Variants in SKA1 observed in about 807,000 individuals in gnomAD.
SKA1 encodes spindle and kinetochore associated complex subunit 1, also known as SKA complex subunit 1.
Under a neutral mutation model 31.8 loss-of-function variants are expected in SKA1, and 20 were observed. That is an observed-to-expected ratio of 0.63 (90% confidence interval 0.44 to 0.91). SKA1 has a LOEUF of 0.91. Ranked by LOEUF, SKA1 falls within the 40% of genes least tolerant of loss-of-function variation. The pLI is 0.00. For missense variants in SKA1, 253 were observed against 298.2 expected (o/e 0.85, Z 1.12); for synonymous variants, 88 against 100.5 (o/e 0.88, Z 0.74).
rs540093671 is a variant in SKA1 at position 50,393,087 on chromosome 18, A to T, written c.*840A>T. On this transcript the variant is annotated 3_prime_UTR_variant, in exon 7 of 7. Coordinates refer to ENST00000285116, the MANE Select transcript of SKA1 (RefSeq NM_145060.4). ...CCAAATATTTAACTACCTGCTGAAT[A>T]CGCCTCTGTACTAGGCACATAATGG... 4 of 152,394 alleles carry T rather than the reference A, an allele frequency of 2.6e-5. No homozygotes were observed. Among genetic ancestry groups the T allele is most frequent in the Admixed American group, 2.6e-4 (4 of 15,306 alleles). 9.4% of individuals were successfully genotyped at this position (152,394 alleles called of 1,614,324 possible).
intron 2 of SKA1, among the ~76,000 whole-genome samples, chr18:50,378,804 C>A (rs2041241556): frequency 6.6e-6 from 1 of 152,092 alleles, no homozygotes; most frequent in South Asian, 2.1e-4. Context: ...TCAGAGACAT[C>A]AGTACTCTCA....
Position 50,382,162 on chromosome 18 carries a change from G to T in SKA1, c.247G>T (p.Asp83Tyr). ...LCESLEEDYK[D>Y]IEHLKENVPS... Reference sequence around the variant, plus strand: ...TGAATCTCTTGAAGAAGATTACAAAGACATAGAACATCTTAAAGAAAACGT... The same window carrying T: ...TGAATCTCTTGAAGAAGATTACAAATACATAGAACATCTTAAAGAAAACGT... The change falls in exon 4 of 7, where the codon GAC becomes TAC. Residue 83 changes from aspartate (D) to tyrosine (Y), a missense_variant. Physicochemically the swap from Asp to Tyr is radical, Grantham distance 160. Transcript: ENST00000285116. The T allele has an allele frequency of 1.3e-6, 2 of 1,544,842 alleles. No homozygotes were observed. Among genetic ancestry groups the T allele is most frequent in the East Asian group, 2.5e-5 (1 of 39,552 alleles).
At chr18:50,384,358 T>TGCTGGCAACATCCCTGGCA (rs1192681004) in intron 4 of SKA1, among the ~76,000 whole-genome samples, 1 of 152,186 alleles carries the variant, frequency 6.6e-6, no homozygotes, top group Non-Finnish European at 1.5e-5. Context: ...CTTGACTTGC[T>TGCTGGCAACATCCCTGGCA]GCTGGCAACA....
chr18:50,382,289 A>G, intron 4 of SKA1, 63 bp downstream of exon 4: 1 of 1,055,354 alleles, frequency 9.5e-7, no homozygotes, highest in Non-Finnish European at 1.3e-6. Flanking sequence ...CAAGTTCTTC[A>G]AAGCCTTTTG....
chr18:50,375,914 C>G lies in SKA1; in HGVS notation c.84C>G (p.Asn28Lys). 2 of 1,577,424 alleles carry G rather than the reference C, an allele frequency of 1.3e-6. No individual in the cohort carries two copies. Among genetic ancestry groups the G allele is most frequent in the South Asian group, 2.3e-5 (2 of 88,884 alleles). ...TTAAGAAAACCTTATCATTAAGAAA[C>G]TGTGGTAAGTAAAACAGATTCCACT... ...GNIKKTLSLR[N>K]CGQEPTLKTV... The change falls in exon 2 of 7, where the codon AAC becomes AAG. Residue 28 changes from asparagine (N) to lysine (K), a missense_variant. By Grantham distance (94) the Asn-to-Lys change is moderately conservative. Coordinates refer to ENST00000285116, the MANE Select transcript of SKA1 (RefSeq NM_145060.4).
Position 50,385,366 on chromosome 18 carries a change from G to C in SKA1, c.449+13G>C. 4 of 1,571,710 alleles carry C rather than the reference G, an allele frequency of 2.5e-6. No homozygotes were observed. The East Asian group carries it at 6.9e-5, about 27-fold the overall frequency. ...ATGGTGTTCCTTCGTAAGTATTTAA[G>C]ATAAATAATGTTCAACCCCTTAATA... On this transcript the variant is annotated intron_variant, in intron 5 of 6. Transcript: ENST00000285116.
chr18:50,382,626 A>G (rs1457318805), intron 4 of SKA1, among the ~76,000 whole-genome samples: 1 of 151,776 alleles, frequency 6.6e-6, no homozygotes, highest in Non-Finnish European at 1.5e-5. Flanking sequence ...CATTCACGAC[A>G]ATGAAAAATG....
At chr18:50,386,178 A>G (rs368930111) in intron 5 of SKA1, among the ~76,000 whole-genome samples, 1 of 138,838 alleles carries the variant, frequency 7.2e-6, no homozygotes, top group African/African-American at 3.5e-5. Context: ...TAATAGTCAT[A>G]TAATATATAG....
At chr18:50,380,072 T>A (rs552536758) in intron 2 of SKA1, 54 bp from the exon 3 acceptor site, 2 of 1,415,710 alleles carry the variant, frequency 1.4e-6, no homozygotes, top group African/African-American at 3.0e-5. Flanking sequence ...TGAGTACTTA[T>A]AGCTACTGCT....
At position 50,385,271 on chromosome 18, in the gene SKA1, C is replaced by A. The variant is rs1051931362; in HGVS notation, c.367C>A (p.Pro123Thr). 6.2e-7 allele frequency: 1 copy of A among 1,613,446 alleles called. No homozygotes were observed. Among genetic ancestry groups the A allele is most frequent in the Admixed American group, 1.7e-5 (1 of 59,974 alleles). The change falls in exon 5 of 7, where the codon CCC becomes ACC. Residue 123 changes from proline to threonine, a missense_variant. Transcript: ENST00000285116. ...ACCAATCAAAGTTGAAGAACCTGAACCCGTAAAGAAGCCTCCCAAAGAGCA... is the reference window on the plus strand; with the variant it reads ...ACCAATCAAAGTTGAAGAACCTGAAACCGTAAAGAAGCCTCCCAAAGAGCA... ...EEPIKVEEPEPVKKPPKEQRS... is the reference protein window; with the variant it reads ...EEPIKVEEPETVKKPPKEQRS...
At chr18:50,380,567 T>C (rs1306945758) in intron 3 of SKA1, among the ~76,000 whole-genome samples, 1 of 152,188 alleles carries the variant, frequency 6.6e-6, no homozygotes, top group Non-Finnish European at 1.5e-5. Flanking sequence ...TGAGGAGATA[T>C]GGATTCTTAC....
chr18:50,392,457 C>G lies in SKA1; in HGVS notation c.*210C>G, dbSNP rs550213837. The G allele has an allele frequency of 2.7e-3, 829 of 306,434 alleles. 5 individuals carry two copies. The highest frequency in any genetic ancestry group is 0.017 in the African/African-American group (775 of 46,316). 19.0% of individuals were successfully genotyped at this position (306,434 alleles called of 1,614,324 possible). ...AAACATGGCTCACTGCAGCCTCAAC[C>G]TCCCAGGCTCAAGTGATCCTCCCAC... On this transcript the variant is annotated 3_prime_UTR_variant, in exon 7 of 7. Transcript: ENST00000285116.
At chr18:50,377,537 T>C (rs1204061340) in intron 2 of SKA1, among the ~76,000 whole-genome samples, 2 of 152,244 alleles carry the variant, frequency 1.3e-5, no homozygotes, top group African/African-American at 2.4e-5. Flanking sequence ...ATTTTAAGTA[T>C]ATTTGAAAAT....
At chr18:50,376,129 A>G (rs1042006442) in intron 2 of SKA1, among the ~76,000 whole-genome samples, 18 of 152,228 alleles carry the variant, frequency 1.2e-4, no homozygotes, top group African/African-American at 4.1e-4. Context: ...AATATTCATT[A>G]GAATTATTTA....
At chr18:50,384,597 T>A (rs2041287395) in intron 4 of SKA1, among the ~76,000 whole-genome samples, 2 of 151,736 alleles carry the variant, frequency 1.3e-5, no homozygotes, top group Admixed American at 1.3e-4. Flanking sequence ...AGATAACTGA[T>A]GTTTCCAGAT....
rs943648722 is a variant in SKA1 at position 50,375,213 on chromosome 18, G to C, written c.-12+19G>C. ...ACTTGAGGTTGGAGTCTGTGTGTTG[G>C]GGACCCTGCCTTTGGAAGCGCCCGA... On this transcript the variant is annotated intron_variant, in intron 1 of 6. Coordinates refer to ENST00000285116, the MANE Select transcript of SKA1 (RefSeq NM_145060.4). The C allele has an allele frequency of 1.3e-5, 2 of 152,682 alleles. No homozygotes were observed. Among genetic ancestry groups the C allele is most frequent in the South Asian group, 2.1e-4 (1 of 4,840 alleles). The allele number at this position is 152,682 out of a possible 1,614,324, so 9.5% of individuals were successfully genotyped here.
intron 1 of SKA1, among the ~76,000 whole-genome samples, chr18:50,375,401 C>T (rs1305510783): frequency 2.0e-5 from 3 of 152,230 alleles, no homozygotes; most frequent in Non-Finnish European, 4.4e-5. Flanking sequence ...CGATCCCAAA[C>T]TGTAAAGCCC....
At chr18:50,379,668 G>T (rs1353317318) in intron 2 of SKA1, among the ~76,000 whole-genome samples, 1 of 152,092 alleles carries the variant, frequency 6.6e-6, no homozygotes, top group Admixed American at 6.5e-5. Context: ...CAATTGCTGA[G>T]ATTGACAACC....
chr18:50,375,416 C>A (rs1163221119), intron 1 of SKA1, among the ~76,000 whole-genome samples: 1 of 152,224 alleles, frequency 6.6e-6, no homozygotes, highest in East Asian at 1.9e-4. Flanking sequence ...AAGCCCCAAC[C>A]CCTCACAGCA....
Sources: gnomAD v4.1 joint callset for allele counts (sites outside exome capture counted in the v4.1 genomes callset) on GRCh38, gnomAD v4.1.1 for gene constraint, MANE v1.5 for transcripts, NCBI Gene and HGNC (gene_info 2026-07-23, HGNC 2026-07-21) for gene names.